Variants in RPS6KA5 observed in about 807,000 individuals in gnomAD.
The protein encoded by RPS6KA5 is ribosomal protein S6 kinase alpha-5.
RPS6KA5 carries 27 observed loss-of-function variants against 85.5 expected under a neutral mutation model. That is an observed-to-expected ratio of 0.32 (90% CI 0.23 to 0.44). RPS6KA5 has a LOEUF of 0.44. RPS6KA5 is among the 20% of genes least tolerant of loss of function. The probability of loss-of-function intolerance (pLI) is 1.00; values close to 1 mark genes in which losing one functional copy is unlikely to be tolerated. For missense variants in RPS6KA5, 811 were observed against 980.9 expected (o/e 0.83, Z 2.31); for synonymous variants, 334 against 348.2 (o/e 0.96, Z 0.46).
intron 1 of RPS6KA5, among the ~76,000 whole-genome samples, chr14:91,007,753 G>A (rs2041088815): frequency 6.6e-6 from 1 of 151,468 alleles, no homozygotes; most frequent in Non-Finnish European, 1.5e-5. Context: ...ATGAGGTGGT[G>A]ATTGATGTAA....
At chr14:90,899,721 C>T (rs1283818224) in intron 11 of RPS6KA5, among the ~76,000 whole-genome samples, 1 of 152,078 alleles carries the variant, frequency 6.6e-6, no homozygotes. Context: ...TCATCAGTTA[C>T]CAAAACAACT....
intron 2 of RPS6KA5, among the ~76,000 whole-genome samples, chr14:90,992,932 A>G (rs556779882): frequency 6.6e-6 from 1 of 152,262 alleles, no homozygotes; most frequent in South Asian, 2.1e-4. Flanking sequence ...ATTAAATGCT[A>G]TTTTGTCCAA....
At chr14:90,904,054 A>G (rs1269875123) in intron 8 of RPS6KA5, among the ~76,000 whole-genome samples, 1 of 151,266 alleles carries the variant, frequency 6.6e-6, no homozygotes, top group Non-Finnish European at 1.5e-5. Context: ...AGTTCACGCC[A>G]TTCTCCTGCC....
At chr14:90,990,408 A>G (rs1251157788) in intron 2 of RPS6KA5, among the ~76,000 whole-genome samples, 1 of 152,180 alleles carries the variant, frequency 6.6e-6, no homozygotes, top group African/African-American at 2.4e-5. Context: ...GGAGAAAACA[A>G]AATGTTTATA....
chr14:90,915,472 G>C (rs2036068078), intron 7 of RPS6KA5, among the ~76,000 whole-genome samples: 1 of 152,150 alleles, frequency 6.6e-6, no homozygotes, highest in African/African-American at 2.4e-5. Context: ...GGAACTGAGA[G>C]TGGCCATTGG....
chr14:90,901,789 C>T (rs1000348325), intron 9 of RPS6KA5, among the ~76,000 whole-genome samples: 2 of 151,914 alleles, frequency 1.3e-5, no homozygotes, highest in Non-Finnish European at 2.9e-5. Context: ...GTGACAAATG[C>T]CCTTTTCTAA....
intron 5 of RPS6KA5, among the ~76,000 whole-genome samples, chr14:90,932,459 A>G (rs1007747170): frequency 6.6e-6 from 1 of 152,034 alleles, no homozygotes; most frequent in African/African-American, 2.4e-5. Flanking sequence ...ATGATCAGGA[A>G]TCTCACATGG....
intron 5 of RPS6KA5, among the ~76,000 whole-genome samples, chr14:90,936,807 A>G (rs2037283691): frequency 6.6e-6 from 1 of 152,184 alleles, no homozygotes; most frequent in Admixed American, 6.5e-5. Flanking sequence ...CTGAAGATTA[A>G]ATATATTTCC....
Position 90,952,193 on chromosome 14 carries a change from T to C in RPS6KA5, c.395-4643A>G, listed in dbSNP as rs568430325. Reference sequence around the variant, plus strand: ...ACCTGACTCTTCCTATATAGAGTTGTGTTAAGCCTCCTTACATGCTATTAG... The same window carrying C: ...ACCTGACTCTTCCTATATAGAGTTGCGTTAAGCCTCCTTACATGCTATTAG... On this transcript the variant is annotated intron_variant, in intron 3 of 16. Transcript: ENST00000614987. Among the ~76,000 whole-genome samples the C allele has an allele frequency of 2.6e-5, 4 of 152,362 alleles. No individual in the cohort carries two copies. In the East Asian group the frequency reaches 7.7e-4, roughly 29 times the overall value.
Position 90,872,155 on chromosome 14 carries a change from G to A in RPS6KA5, c.2328C>T (p.Pro776=), listed in dbSNP as rs1460879088. 1.2e-6 allele frequency: 2 copies of A among 1,613,982 alleles called. No individual in the cohort carries two copies. Among genetic ancestry groups the A allele is most frequent in the South Asian group, 2.2e-5 (2 of 91,022 alleles). The part of the protein sequence containing the change: ...SSSHSHGKTT[P]TKTLQPSNPA... ...GATTGCTGGGCTGCAGTGTCTTGGTGGGTGTAGTTTTACCGTGAGAATGAG... is the reference window on the plus strand; with the variant it reads ...GATTGCTGGGCTGCAGTGTCTTGGTAGGTGTAGTTTTACCGTGAGAATGAG... The change falls in exon 17 of 17, where the codon CCC becomes CCT. Residue 776 remains proline (P), a synonymous_variant. Coordinates refer to ENST00000614987, the MANE Select transcript of RPS6KA5 (RefSeq NM_004755.4).
intron 1 of RPS6KA5, 107 bp from the exon 2 acceptor site, chr14:91,001,266 T>TC: frequency 1.5e-6 from 1 of 663,396 alleles, no homozygotes; most frequent in Non-Finnish European, 2.7e-6. Flanking sequence ...CTTGAGTGAT[T>TC]AACCAGGGTT....
chr14:90,900,074 C>A, intron 11 of RPS6KA5, 34 bp downstream of exon 11: 1 of 1,494,858 alleles, frequency 6.7e-7, no homozygotes, highest in South Asian at 1.3e-5. Flanking sequence ...TCATGAATAC[C>A]TAAGAAAGAA....
chr14:90,927,371 T>C (rs547972580), intron 5 of RPS6KA5, among the ~76,000 whole-genome samples: 18 of 152,010 alleles, frequency 1.2e-4, no homozygotes, highest in Admixed American at 6.6e-4. Context: ...ATATCAGTAA[T>C]CATAATATAC....
intron 14 of RPS6KA5, among the ~76,000 whole-genome samples, chr14:90,876,943 ACACACTG>A (rs1391425609): frequency 3.9e-5 from 6 of 152,214 alleles, no homozygotes; most frequent in Non-Finnish European, 7.3e-5. Context: ...AACAGCTCTT[ACACACTG>A]GCTCTTCAGA....
At chr14:90,929,209 CAT>C (rs1273532181) in intron 5 of RPS6KA5, among the ~76,000 whole-genome samples, 1 of 151,958 alleles carries the variant, frequency 6.6e-6, no homozygotes, top group Non-Finnish European at 1.5e-5. Context: ...GTAAAAAATA[CAT>C]ATACACATAA....
At chr14:91,016,233 A>G (rs2041486605) in intron 1 of RPS6KA5, among the ~76,000 whole-genome samples, 1 of 152,164 alleles carries the variant, frequency 6.6e-6, no homozygotes, top group African/African-American at 2.4e-5. Context: ...GCTCACTGGT[A>G]AACTAATTTT....
intron 5 of RPS6KA5, among the ~76,000 whole-genome samples, chr14:90,926,402 A>AC (rs61248021): frequency 1.3e-5 from 2 of 148,968 alleles, no homozygotes; most frequent in Non-Finnish European, 2.9e-5. Flanking sequence ...AAAAAAAAAA[A>AC]CAAAAAAAAA....
chr14:90,954,398 TTTTG>T (rs1249205100), intron 3 of RPS6KA5, among the ~76,000 whole-genome samples: 4 of 151,968 alleles, frequency 2.6e-5, no homozygotes, highest in African/African-American at 4.8e-5. Flanking sequence ...TTGTGTGTAG[TTTTG>T]TTTGTTTTTT....
chr14:90,869,467 C>T lies in RPS6KA5; in HGVS notation c.*2607G>A, dbSNP rs1006757323. On this transcript the variant is annotated 3_prime_UTR_variant, in exon 17 of 17. Transcript: ENST00000614987. ...CCTCTCAATTTGTCATATACAGTTA[C>T]AAAATATATGAATCAGGATTTATGT... 3 of 151,472 alleles carry T rather than the reference C, an allele frequency of 2.0e-5. No individual in the cohort carries two copies. Among genetic ancestry groups the T allele is most frequent in the African/African-American group, 7.3e-5 (3 of 41,160 alleles). 9.4% of individuals were successfully genotyped at this position (151,472 alleles called of 1,614,324 possible).
Sources: gnomAD v4.1 joint callset for allele counts (sites outside exome capture counted in the v4.1 genomes callset) on GRCh38, gnomAD v4.1.1 for gene constraint, MANE v1.5 for transcripts, NCBI Gene and HGNC (gene_info 2026-07-23, HGNC 2026-07-21) for gene names.